Variants in GRID2 observed in about 807,000 individuals in gnomAD.
GRID2 encodes glutamate ionotropic receptor delta type subunit 2.
In GRID2, 33 loss-of-function variants were observed where a neutral mutation model predicts 114.8. The ratio of observed to expected loss-of-function variants is 0.29; its 90% confidence interval spans 0.22 to 0.38. GRID2 has a LOEUF of 0.38. Ranked by LOEUF, GRID2 falls within the 10% of genes least tolerant of loss-of-function variation. The pLI is 1.00. For synonymous variants in GRID2, 505 were observed against 449.9 expected (o/e 1.12, Z -1.55); for missense variants, 1,184 against 1,257.7 (o/e 0.94, Z 0.89).
intron 1 of GRID2, among the ~76,000 whole-genome samples, chr4:92,578,048 T>A (rs1560468339): frequency 1.6e-4 from 3 of 18,438 alleles, no homozygotes; most frequent in Non-Finnish European, 1.1e-4. Context: ...TAGTTTCTTC[T>A]TCTTCTTCTT....
At chr4:93,427,888 A>C (rs915704199) in intron 10 of GRID2, among the ~76,000 whole-genome samples, 3 of 152,090 alleles carry the variant, frequency 2.0e-5, no homozygotes, top group African/African-American at 4.8e-5. Flanking sequence ...TAAATGAGAG[A>C]TATCTTCTGC....
At chr4:93,589,295 T>C (rs575792478) in intron 13 of GRID2, among the ~76,000 whole-genome samples, 5 of 149,932 alleles carry the variant, frequency 3.3e-5, no homozygotes, top group Admixed American at 2.0e-4. Context: ...AGTGAGAATA[T>C]GTGGTGTTTG....
intron 2 of GRID2, among the ~76,000 whole-genome samples, chr4:92,956,388 T>TC (rs1752415163): frequency 6.6e-6 from 1 of 152,152 alleles, no homozygotes; most frequent in South Asian, 2.1e-4. Context: ...TCCTTATGTA[T>TC]CCCTCCCTAT....
intron 2 of GRID2, among the ~76,000 whole-genome samples, chr4:92,777,376 C>T (rs1373478655): frequency 6.6e-6 from 1 of 152,110 alleles, no homozygotes; most frequent in East Asian, 1.9e-4. Flanking sequence ...AGCCCCATAC[C>T]AGTCACCGTG....
intron 2 of GRID2, among the ~76,000 whole-genome samples, chr4:92,872,208 C>T (rs1745328023): frequency 6.6e-6 from 1 of 152,036 alleles, no homozygotes; most frequent in Non-Finnish European, 1.5e-5. Context: ...GTATGCCAAA[C>T]ATCAACATTA....
intron 11 of GRID2, among the ~76,000 whole-genome samples, chr4:93,458,588 C>T (rs1470269767): frequency 2.6e-5 from 4 of 152,080 alleles, no homozygotes; most frequent in Non-Finnish European, 5.9e-5. Context: ...GTGAATTCCT[C>T]TTGCAGAGAA....
intron 2 of GRID2, among the ~76,000 whole-genome samples, chr4:92,617,239 G>A (rs1204454661): frequency 6.6e-6 from 1 of 150,946 alleles, no homozygotes; most frequent in African/African-American, 2.4e-5. Flanking sequence ...AAAGGATCTA[G>A]CATGCAAGTA....
intron 13 of GRID2, among the ~76,000 whole-genome samples, chr4:93,558,691 T>C (rs1734579445): frequency 6.6e-6 from 1 of 152,154 alleles, no homozygotes; most frequent in Non-Finnish European, 1.5e-5. Context: ...TCTGAAACTA[T>C]TCCAAACAAT....
intron 1 of GRID2, among the ~76,000 whole-genome samples, chr4:92,397,757 T>C (rs1730574115): frequency 6.6e-6 from 1 of 152,026 alleles, no homozygotes; most frequent in Non-Finnish European, 1.5e-5. Flanking sequence ...TACAGTAATG[T>C]CTGAGAAAGT....
At chr4:93,565,219 A>G (rs1019622534) in intron 13 of GRID2, among the ~76,000 whole-genome samples, 4 of 152,150 alleles carry the variant, frequency 2.6e-5, no homozygotes, top group Admixed American at 6.5e-5. Flanking sequence ...TACCACAGGT[A>G]ATAAAATATT....
At chr4:93,012,068 G>T in intron 2 of GRID2, among the ~76,000 whole-genome samples, 3 of 125,764 alleles carry the variant, frequency 2.4e-5, no homozygotes, top group African/African-American at 3.1e-5. Flanking sequence ...TCCCCATATT[G>T]TATTATCAGG....
intron 8 of GRID2, among the ~76,000 whole-genome samples, chr4:93,308,204 A>C (rs1230835493): frequency 1.3e-5 from 2 of 152,172 alleles, no homozygotes; most frequent in Non-Finnish European, 2.9e-5. Flanking sequence ...TCCTTCCTTT[A>C]GAAAGAAGAT....
intron 2 of GRID2, among the ~76,000 whole-genome samples, chr4:92,594,340 C>T (rs1728848914): frequency 6.6e-6 from 1 of 151,886 alleles, no homozygotes; most frequent in Admixed American, 6.6e-5. Flanking sequence ...AGACCAGTTA[C>T]ATTATATAAA....
At position 93,216,906 on chromosome 4, in the gene GRID2, A is replaced by G; in HGVS notation, c.958A>G (p.Met320Val). Residue 320 changes from methionine to valine, a missense_variant, in exon 6 of 16, where the codon ATG becomes GTG. By Grantham distance (21) the Met-to-Val change is conservative. Transcript: ENST00000282020. Reference sequence around the variant, plus strand: ...TCCAAAGGATCCATTTGCTCAGAATATGGAGGTATATTATAAATGACAGGA... The same window carrying G: ...TCCAAAGGATCCATTTGCTCAGAATGTGGAGGTATATTATAAATGACAGGA... ...CDPKDPFAQN[M>V]EISNLYIYDT... 3 of 1,605,094 alleles carry G rather than the reference A, an allele frequency of 1.9e-6. No individual in the cohort carries two copies. Among genetic ancestry groups the G allele is most frequent in the Non-Finnish European group, 1.7e-6 (2 of 1,172,154 alleles).
intron 1 of GRID2, among the ~76,000 whole-genome samples, chr4:93,791,777 G>C (rs962958820): frequency 7.9e-5 from 12 of 152,140 alleles, no homozygotes; most frequent in African/African-American, 2.9e-4. Context: ...GTCTTTTGTA[G>C]AGCCAGATGG....
chr4:93,635,375 A>T (rs1721322187), intron 14 of GRID2, among the ~76,000 whole-genome samples: 1 of 149,766 alleles, frequency 6.7e-6, no homozygotes, highest in Non-Finnish European at 1.5e-5. Flanking sequence ...AAAGGGAGAC[A>T]GGAGTAGGAT....
intron 14 of GRID2, among the ~76,000 whole-genome samples, chr4:93,627,363 G>A (rs1038997808): frequency 5.3e-5 from 8 of 151,938 alleles, no homozygotes; most frequent in Non-Finnish European, 1.0e-4. Flanking sequence ...CAGGCATTTT[G>A]TGTGTATGTT....
intron 2 of GRID2, among the ~76,000 whole-genome samples, chr4:92,964,375 C>T (rs1753004314): frequency 6.6e-6 from 1 of 151,884 alleles, no homozygotes; most frequent in South Asian, 2.1e-4. Context: ...GAACATCACA[C>T]ACCGGGCCCT....
chr4:93,367,070 A>G (rs1276408170), intron 8 of GRID2, among the ~76,000 whole-genome samples: 3 of 152,090 alleles, frequency 2.0e-5, no homozygotes, highest in South Asian at 4.1e-4. Flanking sequence ...GGGATATGAA[A>G]TACATAGATG....
Sources: allele counts gnomAD v4.1 joint callset (sites outside exome capture counted in the v4.1 genomes callset), GRCh38; gene constraint gnomAD v4.1.1; transcripts MANE v1.5; gene names NCBI Gene and HGNC (gene_info 2026-07-23, HGNC 2026-07-21).